FMN1: variants seen among roughly 807,000 people sequenced by gnomAD.
FMN1 encodes formin-1.
In FMN1, 110 loss-of-function variants were observed where a neutral mutation model predicts 132.4. The ratio of observed to expected loss-of-function variants is 0.83; its 90% CI spans 0.71 to 0.97. The LOEUF (loss-of-function observed/expected upper bound fraction) is 0.97, where lower values mean the gene tolerates loss of function less well. FMN1 is among the 50% of genes least tolerant of loss of function. FMN1 has a pLI of 0.00. For synonymous variants in FMN1, 722 were observed against 651.7 expected, an observed-to-expected ratio of 1.11 and a Z score of -1.64; for missense variants, 1,792 against 1,705.3, an observed-to-expected ratio of 1.05 and a Z score of -0.90.
chr15:33,095,466 A>G (rs75968734), intron 4 of FMN1, among the ~76,000 whole-genome samples: 22 of 152,164 alleles, frequency 1.4e-4, no homozygotes, highest in East Asian at 3.9e-4. Flanking sequence ...TATGATTACA[A>G]CTCACTGTAG....
chr15:33,068,382 G>T (rs2037846812), intron 5 of FMN1, among the ~76,000 whole-genome samples: 1 of 152,184 alleles, frequency 6.6e-6, no homozygotes, highest in East Asian at 1.9e-4. Flanking sequence ...CTTAGCCACT[G>T]CCCAGAGCAG....
intron 4 of FMN1, among the ~76,000 whole-genome samples, chr15:33,144,471 A>G (rs1483695415): frequency 1.3e-5 from 2 of 151,962 alleles, no homozygotes; most frequent in Non-Finnish European, 2.9e-5. Context: ...CCCCATCTCC[A>G]GTAAAAATAC....
At chr15:32,883,317 A>G (rs1489398988) in intron 16 of FMN1, among the ~76,000 whole-genome samples, 4 of 152,080 alleles carry the variant, frequency 2.6e-5, no homozygotes, top group Admixed American at 2.6e-4. Context: ...TAGCCTAGGC[A>G]ACACAGTGAG....
intron 15 of FMN1, among the ~76,000 whole-genome samples, chr15:32,897,708 T>C (rs1467657753): frequency 1.3e-5 from 2 of 152,128 alleles, no homozygotes; most frequent in East Asian, 1.9e-4. Flanking sequence ...ATCAGAGCTG[T>C]GTAAAGAGGG....
intron 6 of FMN1, among the ~76,000 whole-genome samples, chr15:33,050,403 T>A (rs369735223): frequency 1.4e-4 from 21 of 152,020 alleles, no homozygotes; most frequent in Middle Eastern, 3.4e-3. Flanking sequence ...ATTTTTTTTT[T>A]AATACATAGA....
At chr15:33,122,011 C>G (rs914045769) in intron 4 of FMN1, among the ~76,000 whole-genome samples, 1 of 152,116 alleles carries the variant, frequency 6.6e-6, no homozygotes, top group African/African-American at 2.4e-5. Context: ...GAAGAGGACA[C>G]GATCTCTACT....
intron 6 of FMN1, among the ~76,000 whole-genome samples, chr15:33,060,967 G>A (rs557019800): frequency 2.6e-5 from 4 of 152,250 alleles, no homozygotes; most frequent in African/African-American, 7.2e-5. Context: ...ATTTCAGGTA[G>A]CCCTTCATAA....
At chr15:33,145,516 C>T (rs1964181755) in intron 4 of FMN1, among the ~76,000 whole-genome samples, 1 of 151,642 alleles carries the variant, frequency 6.6e-6, no homozygotes, top group Admixed American at 6.6e-5. Context: ...GTCCTCTCTC[C>T]CTATCTCCAG....
At chr15:33,028,464 C>A (rs914007055) in intron 6 of FMN1, among the ~76,000 whole-genome samples, 4 of 151,564 alleles carry the variant, frequency 2.6e-5, no homozygotes, top group Admixed American at 2.0e-4. Flanking sequence ...ATTCTAGCAA[C>A]TGGAAATAAT....
intron 19 of FMN1, among the ~76,000 whole-genome samples, chr15:32,793,492 G>A (rs1245925704): frequency 1.3e-5 from 2 of 152,100 alleles, no homozygotes; most frequent in Non-Finnish European, 2.9e-5. Context: ...TGTTGGCCAG[G>A]CTGATCTTGA....
intron 7 of FMN1, among the ~76,000 whole-genome samples, chr15:32,981,540 A>ATTATTATT (rs1555372546): frequency 3.5e-4 from 35 of 101,036 alleles, no homozygotes; most frequent in Non-Finnish European, 2.9e-4. Context: ...TAATAATAAT[A>ATTATTATT]ATAATTATTA....
chr15:32,984,136 C>T (rs955105488), intron 7 of FMN1, among the ~76,000 whole-genome samples: 3 of 151,918 alleles, frequency 2.0e-5, no homozygotes, highest in Non-Finnish European at 4.4e-5. Context: ...AAAGTTTCTG[C>T]TTTTATAAGA....
chr15:32,970,657 A>T (rs2031704435), intron 7 of FMN1: 2 of 152,208 alleles, frequency 1.3e-5, no homozygotes, highest in Non-Finnish European at 1.5e-5. Flanking sequence ...AAGTAAAGAA[A>T]TATTTTAACA....
At chr15:33,181,058 C>G (rs1965682508) in intron 2 of FMN1, among the ~76,000 whole-genome samples, 4 of 152,080 alleles carry the variant, frequency 2.6e-5, no homozygotes. Flanking sequence ...GCCTCTCCTG[C>G]TCTTAAGGCA....
intron 17 of FMN1, among the ~76,000 whole-genome samples, chr15:32,837,822 T>C (rs1596049160): frequency 6.6e-6 from 1 of 152,192 alleles, no homozygotes; most frequent in Non-Finnish European, 1.5e-5. Context: ...TGAAAAAGAA[T>C]AGTAGTGATT....
chr15:32,977,396 T>A (rs2032295852), intron 7 of FMN1, among the ~76,000 whole-genome samples: 1 of 152,198 alleles, frequency 6.6e-6, no homozygotes, highest in Non-Finnish European at 1.5e-5. Flanking sequence ...CCTCAAAATA[T>A]TTGCCCTCCA....
chr15:32,896,214 T>C (rs2141560354), intron 15 of FMN1, among the ~76,000 whole-genome samples: 1 of 152,190 alleles, frequency 6.6e-6, no homozygotes, highest in Admixed American at 6.5e-5. Context: ...GATGTTAGTC[T>C]ATCATTCTAC....
At chr15:33,033,069 C>T (rs1160744070) in intron 6 of FMN1, among the ~76,000 whole-genome samples, 1 of 152,128 alleles carries the variant, frequency 6.6e-6, no homozygotes, top group Non-Finnish European at 1.5e-5. Flanking sequence ...CTCGCTCTGT[C>T]GCCCAGGATG....
intron 7 of FMN1, among the ~76,000 whole-genome samples, chr15:32,997,281 TG>T: frequency 6.6e-6 from 1 of 152,052 alleles, no homozygotes; most frequent in East Asian, 1.9e-4. Flanking sequence ...AGAACTCTAT[TG>T]TTTATTTTTC....
Sources: allele counts gnomAD v4.1 joint callset (sites outside exome capture counted in the v4.1 genomes callset), GRCh38; gene constraint gnomAD v4.1.1; transcripts MANE v1.5; gene names NCBI Gene and HGNC (gene_info 2026-07-23, HGNC 2026-07-21).